GGT7: variants seen among roughly 807,000 people sequenced by gnomAD.
GGT7 encodes gamma-glutamyltransferase 7.
GGT7 carries 30 observed loss-of-function variants against 69.2 expected under a neutral mutation model. That is an observed-to-expected ratio of 0.43 (90% CI 0.32 to 0.59). The LOEUF (loss-of-function observed/expected upper bound fraction) is 0.59. Among genes scored for constraint, GGT7 ranks in the 20% least tolerant of loss-of-function variants. The probability of loss-of-function intolerance (pLI) is 0.05; values close to 1 mark genes in which losing one functional copy is unlikely to be tolerated. For synonymous variants in GGT7, 388 were observed against 391.8 expected, an observed-to-expected ratio of 0.99 and a Z score of 0.12; for missense variants, 733 against 901.1, an observed-to-expected ratio of 0.81 and a Z score of 2.39.
chr20:34,864,644 C>T (rs2146925585), intron 1 of GGT7, among the ~76,000 whole-genome samples: 1 of 151,384 alleles, frequency 6.6e-6, no homozygotes, highest in South Asian at 2.1e-4. Flanking sequence ...TCACTTGAAC[C>T]CACAAGGTGG....
intron 13 of GGT7, 76 bp downstream of exon 13, chr20:34,851,155 G>A (rs2079383597): frequency 1.9e-6 from 3 of 1,556,200 alleles, no homozygotes; most frequent in African/African-American, 1.4e-5. Flanking sequence ...ACAAGCCACA[G>A]ATATGACAGG....
Position 34,856,880 on chromosome 20 carries a change from C to A in GGT7, c.1028G>T (p.Gly343Val). Reference sequence around the variant, plus strand: ...GAAGTCCTCTTCGGTTATGACACCCCCTGCGTGCTGAGCCTGGAGGGAAGA... The same window carrying A: ...GAAGTCCTCTTCGGTTATGACACCCACTGCGTGCTGAGCCTGGAGGGAAGA... Reference protein sequence around the residue: ...LEMVAEAQHAGGVITEEDFSN... With the variant: ...LEMVAEAQHAVGVITEEDFSN... Residue 343 changes from glycine (G) to valine (V), a missense_variant, in exon 8 of 15, where the codon GGG becomes GTG. Physicochemically the swap from Gly to Val is moderately radical, Grantham distance 109 (BLOSUM62 -3). Transcript: ENST00000336431. 6.2e-7 allele frequency: 1 copy of A among 1,607,954 alleles called. No homozygotes were observed. The highest frequency in any genetic ancestry group is 8.5e-7 in the Non-Finnish European group (1 of 1,174,710).
chr20:34,857,842 C>T (rs1244662289), intron 7 of GGT7, among the ~76,000 whole-genome samples: 2 of 152,168 alleles, frequency 1.3e-5, no homozygotes, highest in African/African-American at 2.4e-5. Flanking sequence ...TGGTCTCAAA[C>T]TCCTGAGCTC....
intron 1 of GGT7, among the ~76,000 whole-genome samples, chr20:34,870,530 G>GC (rs1041565011): frequency 2.0e-5 from 3 of 151,954 alleles, no homozygotes; most frequent in African/African-American, 7.3e-5. Context: ...TCACTCTGTT[G>GC]CCCAGGCTGG....
rs756340806 is a variant in GGT7 at position 34,845,334 on chromosome 20, G to A, written c.1983C>T (p.Ile661=). The change falls in exon 15 of 15, where the codon ATC becomes ATT. Residue 661 remains isoleucine (I), a synonymous_variant. Transcript: ENST00000336431. ...CCCGCCCCACCCCGCTGCTCTACAGGATGGTGGCTCCAGCTGCATCTGGGC... is the reference window on the plus strand; with the variant it reads ...CCCGCCCCACCCCGCTGCTCTACAGAATGGTGGCTCCAGCTGCATCTGGGC... ...PRSPDAAGAT[I]L The A allele has an allele frequency of 6.2e-6, 10 of 1,613,518 alleles. No homozygotes were observed. Among genetic ancestry groups the A allele is most frequent in the Non-Finnish European group, 8.5e-6 (10 of 1,179,754 alleles).
intron 8 of GGT7, among the ~76,000 whole-genome samples, chr20:34,855,341 T>C (rs1483010484): frequency 6.6e-6 from 1 of 152,202 alleles, no homozygotes; most frequent in Non-Finnish European, 1.5e-5. Context: ...GCCCCAAACT[T>C]CTTGGCAGCA....
chr20:34,851,066 C>T (rs771132113), intron 13 of GGT7, 165 bp downstream of exon 13: 9 of 792,188 alleles, frequency 1.1e-5, no homozygotes, highest in East Asian at 2.6e-5. Context: ...AGAAACTCAG[C>T]GCAGCCCATG....
At chr20:34,861,902 G>C (rs1204485313) in intron 3 of GGT7, among the ~76,000 whole-genome samples, 2 of 152,080 alleles carry the variant, frequency 1.3e-5, no homozygotes, top group Non-Finnish European at 2.9e-5. Context: ...CCAGCTTCCT[G>C]CACCTGTCTA....
chr20:34,856,829 T>C lies in GGT7; in HGVS notation c.1079A>G (p.Lys360Arg). 1 of 1,610,378 alleles carries C rather than the reference T, an allele frequency of 6.2e-7. No homozygotes were observed. Among genetic ancestry groups the C allele is most frequent in the Non-Finnish European group, 8.5e-7 (1 of 1,177,042 alleles). Residue 360 changes from lysine to arginine, a missense_variant, in exon 8 of 15, where the codon AAG (lysine) becomes AGG (arginine). Lys to Arg is a conservative substitution (Grantham distance 26). Transcript: ENST00000336431. ...ACCTCTGTACACGCCACACACAGGC[T>C]TCTCCACAAGGGCGCTGTAATTGCT... ...DFSNYSALVE[K>R]PVCGVYRGHL...
At chr20:34,861,794 C>T (rs2079600622) in intron 3 of GGT7, among the ~76,000 whole-genome samples, 1 of 152,100 alleles carries the variant, frequency 6.6e-6, no homozygotes, top group African/African-American at 2.4e-5. Flanking sequence ...TCTATCCTGT[C>T]ACTGGAGACT....
intron 13 of GGT7, among the ~76,000 whole-genome samples, chr20:34,850,508 T>C (rs1208023934): frequency 6.6e-6 from 1 of 152,184 alleles, no homozygotes; most frequent in East Asian, 1.9e-4. Context: ...AGTCTTAACC[T>C]CTCTGGGCTT....
At chr20:34,857,017 C>A in intron 7 of GGT7, 124 bp from the exon 8 acceptor site, 1 of 705,634 alleles carries the variant, frequency 1.4e-6, no homozygotes, top group Non-Finnish European at 2.6e-6. Flanking sequence ...CAACCCCCAT[C>A]GTGGCCTTTA....
Position 34,863,205 on chromosome 20 carries a change from C to T in GGT7, c.405+108G>A, listed in dbSNP as rs1008019500. The T allele has an allele frequency of 4.4e-5, 40 of 905,332 alleles. No homozygotes were observed. The highest frequency in any genetic ancestry group is 6.0e-5 in the Non-Finnish European group (35 of 582,278). The allele number at this position is 905,332 out of a possible 1,614,324, so 56.1% of individuals were successfully genotyped here. On this transcript the variant is annotated intron_variant, in intron 2 of 14. Coordinates refer to ENST00000336431, the MANE Select transcript of GGT7 (RefSeq NM_178026.3). This position sits in a 1 kb window ranked among gnomAD's most constrained non-coding sequence, Gnocchi z 4.4. The stretch of plus-strand genomic sequence containing the variant: ...GACCTTCCTCTCCCAAGTCACCACC[C>T]TCTCTCCCCTTCTACCACTCAGCCA...
At chr20:34,857,266 G>A (rs1283161361) in intron 7 of GGT7, among the ~76,000 whole-genome samples, 3 of 152,136 alleles carry the variant, frequency 2.0e-5, no homozygotes, top group Admixed American at 6.5e-5. Context: ...TCATGCCTTC[G>A]TGTCTTTGTA....
At chr20:34,856,916 ATGACCTCCCACCAC>A in intron 7 of GGT7, 23 bp from the exon 8 acceptor site, 1 of 1,416,440 alleles carries the variant, frequency 7.1e-7, no homozygotes. Flanking sequence ...GAATGAGGGA[ATGACCTCCCACCAC>A]TGTGACATGG....
chr20:34,854,085 C>T (rs866441240), intron 10 of GGT7, among the ~76,000 whole-genome samples: 11 of 152,146 alleles, frequency 7.2e-5, no homozygotes, highest in South Asian at 2.1e-4. Flanking sequence ...TACAGGCACG[C>T]GCCACCACGC....
chr20:34,856,876 AC>A lies in GGT7; in HGVS notation c.1031del (p.Gly344ValfsTer3). The stretch of plus-strand genomic sequence containing the variant: ...TGCTGAAGTCCTCTTCGGTTATGAC[AC>A]CCCCTGCGTGCTGAGCCTGGAGGGA... The part of the protein sequence containing the change: ...EMVAEAQHAG[G>X]VITEEDFSNY... On this transcript the variant is annotated frameshift_variant, in exon 8 of 15. Coordinates refer to ENST00000336431, the MANE Select transcript of GGT7 (RefSeq NM_178026.3). LOFTEE classifies it high-confidence loss of function. The A allele has an allele frequency of 6.2e-7, 1 of 1,608,534 alleles. No homozygotes were observed. The highest frequency in any genetic ancestry group is 8.5e-7 in the Non-Finnish European group (1 of 1,175,534).
intron 6 of GGT7, 66 bp downstream of exon 6, chr20:34,859,903 A>G: frequency 8.4e-7 from 1 of 1,190,646 alleles, no homozygotes. Flanking sequence ...TTGGGCTCCA[A>G]ATCTCAAAGA....
At chr20:34,860,099 C>A in intron 5 of GGT7, 57 bp from the exon 6 acceptor site, 1 of 217,130 alleles carries the variant, frequency 4.6e-6, no homozygotes, top group Non-Finnish European at 7.8e-6. Flanking sequence ...AGGAGGGGTC[C>A]GGGGGGAGGG....
Sources: gnomAD v4.1 joint callset for allele counts (sites outside exome capture counted in the v4.1 genomes callset) on GRCh38, gnomAD v4.1.1 for gene constraint, Gnocchi (gnomAD v3.1) non-coding constraint, MANE v1.5 for transcripts, NCBI Gene and HGNC (gene_info 2026-07-23, HGNC 2026-07-21) for gene names.